Variants in PCDH11X observed in about 807,000 individuals in gnomAD.
PCDH11X encodes protocadherin-11 X-linked.
Under a neutral mutation model 53.3 loss-of-function variants are expected in PCDH11X, and 18 were observed. The ratio of observed to expected loss-of-function variants is 0.34; its 90% CI spans 0.23 to 0.50. PCDH11X has a LOEUF of 0.50. Ranked by LOEUF, PCDH11X falls within the 20% of genes least tolerant of loss-of-function variation. The pLI, the probability that PCDH11X is intolerant of heterozygous loss-of-function variation, is 0.98. For missense variants in PCDH11X, 570 were observed against 1,032.4 expected, an observed-to-expected ratio of 0.55 and a Z score of 6.14; for synonymous variants, 279 against 393.3, an observed-to-expected ratio of 0.71 and a Z score of 3.44.
chrX:91,903,656 C>CGTGTGTGT (rs61017416), intron 6 of PCDH11X, among the ~76,000 whole-genome samples: 2,214 of 93,918 alleles, frequency 0.024, 20 homozygotes, highest in African/African-American at 0.042. Flanking sequence ...CCTCTATGTG[C>CGTGTGTGT]GTGTGTGTGT....
At chrX:92,113,090 TA>T (rs1383846295) in intron 6 of PCDH11X, among the ~76,000 whole-genome samples, 13 of 103,714 alleles carry the variant, frequency 1.3e-4, no homozygotes, top group Non-Finnish European at 2.5e-4. Flanking sequence ...CCTTTTTATC[TA>T]TTTTTTTTTT....
At chrX:92,139,686 T>C (rs747714729) in intron 6 of PCDH11X, among the ~76,000 whole-genome samples, 1 of 111,937 alleles carries the variant, frequency 8.9e-6, no homozygotes, top group East Asian at 2.8e-4. Flanking sequence ...ATCAGAAAGA[T>C]AATCTATGCA....
chrX:92,380,018 G>T (rs1478747112), intron 8 of PCDH11X, among the ~76,000 whole-genome samples: 1 of 100,738 alleles, frequency 9.9e-6, no homozygotes, highest in Non-Finnish European at 2.0e-5. Flanking sequence ...GATGAGGATA[G>T]AAGAGAGCAT....
At chrX:92,147,827 C>CTTTCTTTCTTTCTT (rs2065302425) in intron 6 of PCDH11X, among the ~76,000 whole-genome samples, 2 of 91,347 alleles carry the variant, frequency 2.2e-5, no homozygotes, top group South Asian at 5.3e-4. Context: ...TTCTTTCTTT[C>CTTTCTTTCTTTCTT]TTTCTTTCTT....
chrX:92,080,248 A>G (rs1261929177), intron 6 of PCDH11X, among the ~76,000 whole-genome samples: 1 of 111,224 alleles, frequency 9.0e-6, no homozygotes, highest in East Asian at 2.8e-4. Context: ...ATCTTATCCC[A>G]GTGAGACTTA....
intron 9 of PCDH11X, among the ~76,000 whole-genome samples, chrX:92,463,426 T>C (rs1185660963): frequency 9.1e-6 from 1 of 110,170 alleles, no homozygotes; most frequent in Non-Finnish European, 1.9e-5. Context: ...TAGTTTTGGA[T>C]ATATGTATTG....
intron 4 of PCDH11X, among the ~76,000 whole-genome samples, chrX:91,823,595 T>A (rs996540216): frequency 9.0e-6 from 1 of 111,710 alleles, no homozygotes. Flanking sequence ...GCTTCCTGAA[T>A]ACAGCACACT....
Position 92,468,286 on chromosome X carries a change from A to G in PCDH11X, c.3344-13A>G, listed in dbSNP as rs2073195293. On this transcript the variant is annotated splice_polypyrimidine_tract_variant and intron_variant, in intron 9 of 10. Coordinates refer to ENST00000682573, the MANE Select transcript of PCDH11X (RefSeq NM_032968.5). Reference sequence around the variant, plus strand: ...TATTTATTGTGTTTAACTTTATTAAAATTTCTTTTTAGCTTTCATACCTGG... The same window carrying G: ...TATTTATTGTGTTTAACTTTATTAAGATTTCTTTTTAGCTTTCATACCTGG... The G allele has an allele frequency of 8.8e-6, 10 of 1,130,405 alleles. No individual in the cohort carries two copies. Among genetic ancestry groups the G allele is most frequent in the Non-Finnish European group, 1.2e-5 (10 of 846,013 alleles). The allele number at this position is 1,130,405 out of a possible 1,213,427, so 93.2% of individuals were successfully genotyped here. A position where few individuals can be genotyped will look rare whatever the true frequency, so the allele number is the denominator to read the frequency against.
rs190471297 is a variant in PCDH11X, at chrX:92,261,712, T to G, written c.3115-1402T>G. On this transcript the variant is annotated intron_variant, in intron 7 of 10. Transcript: ENST00000682573. The stretch of plus-strand genomic sequence containing the variant: ...TTATATTCTTAGATATGGCTAAAGT[T>G]TTGGTGATGTTATAGTCCTTGAGAT... 7.4e-3 allele frequency among the ~76,000 whole-genome samples: 826 copies of G among 112,172 alleles called. 8 individuals carry two copies. The highest frequency in any genetic ancestry group is 0.025 in the African/African-American group (787 of 30,960).
intron 6 of PCDH11X, among the ~76,000 whole-genome samples, chrX:92,049,098 CAG>C (rs2063332196): frequency 9.1e-6 from 1 of 110,364 alleles, no homozygotes; most frequent in African/African-American, 3.3e-5. Context: ...TAGCCAACTT[CAG>C]AGAGAGCAGG....
intron 6 of PCDH11X, among the ~76,000 whole-genome samples, chrX:91,889,732 T>C (rs1034421546): frequency 1.8e-5 from 2 of 109,959 alleles, no homozygotes; most frequent in Non-Finnish European, 3.8e-5. Context: ...AATAGAATTT[T>C]TTACTACATA....
intron 9 of PCDH11X, among the ~76,000 whole-genome samples, chrX:92,432,790 G>T (rs1327030552): frequency 2.8e-5 from 3 of 107,082 alleles, no homozygotes; most frequent in Non-Finnish European, 5.8e-5. Flanking sequence ...TGGCTATGAA[G>T]TTTTATAATT....
Position 92,238,956 on chromosome X carries a change from T to C in PCDH11X, c.3115-24158T>C, listed in dbSNP as rs767405111. Among the ~76,000 whole-genome samples, 7 of 111,606 alleles carry C rather than the reference T, an allele frequency of 6.3e-5. No homozygotes were observed. The East Asian group carries it at 1.7e-3, about 27-fold the overall frequency. ...TCAATTTATTTTTCATGTTTTTTTT[T>C]CCATCCACAGATTGATATGTTACCT... On this transcript the variant is annotated intron_variant, in intron 7 of 10. Coordinates refer to ENST00000682573, the MANE Select transcript of PCDH11X (RefSeq NM_032968.5).
intron 8 of PCDH11X, among the ~76,000 whole-genome samples, chrX:92,270,055 C>G (rs764488404): frequency 1.0e-4 from 11 of 110,140 alleles, no homozygotes; most frequent in Middle Eastern, 4.7e-3. Context: ...TAGATTGTAA[C>G]TTCATGTTCA....
At chrX:92,345,874 T>C (rs1443488856) in intron 8 of PCDH11X, among the ~76,000 whole-genome samples, 2 of 103,729 alleles carry the variant, frequency 1.9e-5, no homozygotes, top group African/African-American at 7.1e-5. Flanking sequence ...CAGAAACGTA[T>C]CAAAGTTAGT....
chrX:91,912,635 C>A (rs1415383371), intron 6 of PCDH11X, among the ~76,000 whole-genome samples: 1 of 110,909 alleles, frequency 9.0e-6, no homozygotes, highest in Admixed American at 9.6e-5. Context: ...TCATGATGAT[C>A]GATCTTTTTA....
At chrX:92,475,477 C>G (rs1392492934) in intron 10 of PCDH11X, among the ~76,000 whole-genome samples, 1 of 111,690 alleles carries the variant, frequency 9.0e-6, no homozygotes, top group Admixed American at 9.5e-5. Context: ...TTCTCCAGCA[C>G]TTCTTTAAAT....
At chrX:92,348,512 A>ATTTTTATTT (rs1434459311) in intron 8 of PCDH11X, among the ~76,000 whole-genome samples, 7 of 20,216 alleles carry the variant, frequency 3.5e-4, no homozygotes, top group African/African-American at 2.0e-3. Context: ...CAAAATTATC[A>ATTTTTATTT]TTATTATTAT....
intron 10 of PCDH11X, among the ~76,000 whole-genome samples, chrX:92,586,348 ATC>A (rs1924381093): frequency 9.0e-6 from 1 of 111,159 alleles, no homozygotes; most frequent in Middle Eastern, 4.6e-3. Context: ...TTTAAACCTG[ATC>A]TTTGTTAAAC....
Sources: gnomAD v4.1 joint callset for allele counts (sites outside exome capture counted in the v4.1 genomes callset) on GRCh38, gnomAD v4.1.1 for gene constraint, MANE v1.5 for transcripts, NCBI Gene and HGNC (gene_info 2026-07-23, HGNC 2026-07-21) for gene names.